The following SNX25 variants were observed in gnomAD, a reference collection of about 807,000 sequenced individuals.
The protein encoded by SNX25 is sorting nexin 25.
Under a neutral mutation model 113.7 loss-of-function variants are expected in SNX25, and 62 were observed. The observed-to-expected ratio is 0.55, with a 90% CI of 0.44 to 0.67. The LOEUF is 0.67. SNX25 is among the 30% of genes least tolerant of loss of function. The pLI, the probability that SNX25 is intolerant of heterozygous loss-of-function variation, is 0.00. For missense variants in SNX25, 1,014 were observed against 1,161.0 expected (o/e 0.87, Z 1.84); for synonymous variants, 421 against 436.2 (o/e 0.97, Z 0.43).
chr4:185,342,465 G>C (rs2095264597), intron 12 of SNX25, among the ~76,000 whole-genome samples: 1 of 152,244 alleles, frequency 6.6e-6, no homozygotes. Context: ...GAGCTGCATT[G>C]GATTCTATCA....
At chr4:185,271,413 G>T (rs977172902) in intron 5 of SNX25, among the ~76,000 whole-genome samples, 2 of 152,182 alleles carry the variant, frequency 1.3e-5, no homozygotes, top group African/African-American at 4.8e-5. Flanking sequence ...AAGTAGCTGG[G>T]ACTACAGGCA....
In SNX25 at chr4:185,231,902, T is replaced by C. The variant is rs769153513; in HGVS notation, c.430-15392T>C. Among the ~76,000 whole-genome samples the C allele has an allele frequency of 7.3e-4, 111 of 152,316 alleles. 1 individual carries two copies. The highest frequency in any genetic ancestry group is 3.1e-3 in the Admixed American group (47 of 15,304). ...TTTAATTGCATTGTATTTTTGTCTT[T>C]ATGCAGCTAGTCTTTTATGGCAGTA... On this transcript the variant is annotated intron_variant, in intron 1 of 18. Transcript: ENST00000652585.
Position 185,247,332 on chromosome 4 carries a change from T to A in SNX25, c.468T>A (p.Ser156=), listed in dbSNP as rs910023028. The A allele has an allele frequency of 6.2e-7, 1 of 1,611,758 alleles. No individual in the cohort carries two copies. The highest frequency in any genetic ancestry group is 1.7e-4 in the Middle Eastern group (1 of 6,040). ...GAAACTCACATGAGTCAGCTCAGTC[T>A]AGAAGGGTAGTAATTTCTCATAATA... The part of the protein sequence containing the change: ...VYGNSHESAQ[S]RRVVISHNMD... Residue 156 remains serine, a synonymous_variant, in exon 2 of 19, where the codon TCT becomes TCA. Coordinates refer to ENST00000652585, the MANE Select transcript of SNX25 (RefSeq NM_001378034.2).
At chr4:185,372,388 G>C (rs2095418929), downstream of SNX25, among the ~76,000 whole-genome samples, 1 of 152,192 alleles carries the variant, frequency 6.6e-6, no homozygotes, top group Non-Finnish European at 1.5e-5. Flanking sequence ...TTTACATTAA[G>C]TAAAATTTAA....
intron 15 of SNX25, among the ~76,000 whole-genome samples, chr4:185,356,733 G>A (rs2095340949): frequency 6.6e-6 from 1 of 152,188 alleles, no homozygotes; most frequent in Non-Finnish European, 1.5e-5. Context: ...GTGGGTACAA[G>A]AGCCCCGAAC....
At chr4:185,365,727 C>A (rs890833452), downstream of SNX25, 1 of 150,018 alleles carries the variant, frequency 6.7e-6, no homozygotes, top group African/African-American at 2.5e-5. Flanking sequence ...TCTTTAGGAA[C>A]TGGATTAAGT....
chr4:185,273,121 A>G (rs531750970), intron 5 of SNX25, among the ~76,000 whole-genome samples: 37 of 152,306 alleles, frequency 2.4e-4, no homozygotes, highest in African/African-American at 8.7e-4. Context: ...CCATGAATAG[A>G]TTGGAGGTAC....
intron 1 of SNX25, 81 bp from the exon 2 acceptor site, chr4:185,247,213 C>T (rs1744984053): frequency 2.3e-6 from 2 of 873,616 alleles, no homozygotes; most frequent in South Asian, 3.2e-5. Flanking sequence ...GTTTAGATGG[C>T]ATTTCATACC....
chr4:185,220,484 C>CCT (rs71593613), intron 1 of SNX25, among the ~76,000 whole-genome samples: 5 of 131,872 alleles, frequency 3.8e-5, no homozygotes, highest in East Asian at 4.6e-4. Context: ...AACTGAGTCC[C>CCT]TTTTTTTTTT....
chr4:185,346,391 G>T, intron 12 of SNX25, 146 bp from the exon 13 acceptor site: 1 of 606,870 alleles, frequency 1.6e-6, no homozygotes, highest in Non-Finnish European at 2.9e-6. Flanking sequence ...CCAATTCTTC[G>T]AGCCTCATTA....
chr4:185,339,617 CT>C, intron 11 of SNX25, 107 bp downstream of exon 11: 1 of 1,365,804 alleles, frequency 7.3e-7, no homozygotes, highest in Non-Finnish European at 9.8e-7. Context: ...TACACTCATT[CT>C]TTTAGACCAT....
At chr4:185,273,453 T>C (rs1749231442) in intron 5 of SNX25, among the ~76,000 whole-genome samples, 1 of 152,218 alleles carries the variant, frequency 6.6e-6, no homozygotes, top group South Asian at 2.1e-4. Context: ...ATATTTGATG[T>C]ATGTACACAT....
At chr4:185,330,081 G>A (rs1036492812) in intron 9 of SNX25, among the ~76,000 whole-genome samples, 4 of 152,160 alleles carry the variant, frequency 2.6e-5, no homozygotes, top group African/African-American at 9.7e-5. Context: ...GTTTATTTTG[G>A]AGAATAAACC....
intron 1 of SNX25, among the ~76,000 whole-genome samples, chr4:185,213,592 G>A (rs1465885445): frequency 6.6e-6 from 1 of 152,170 alleles, no homozygotes; most frequent in Non-Finnish European, 1.5e-5. Flanking sequence ...GGTTGTCAGA[G>A]TGTGGTGTCC....
chr4:185,378,129 A>G, the SNX25 span: 1 of 1,614,080 alleles, frequency 6.2e-7, no homozygotes, highest in Non-Finnish European at 8.5e-7. Flanking sequence ...TTAGCAGCAT[A>G]CTGAGATACA....
chr4:185,304,548 G>T (rs994580400), intron 6 of SNX25, among the ~76,000 whole-genome samples: 1 of 152,030 alleles, frequency 6.6e-6, no homozygotes, highest in Non-Finnish European at 1.5e-5. Context: ...GTAGAGAAGG[G>T]GTTTCTCCAT....
At chr4:185,274,727 T>G (rs1300164284) in intron 5 of SNX25, among the ~76,000 whole-genome samples, 1 of 152,256 alleles carries the variant, frequency 6.6e-6, no homozygotes, top group Non-Finnish European at 1.5e-5. Flanking sequence ...GAATATCTAT[T>G]ATGTATTAAG....
chr4:185,287,377 T>C (rs1751486563), intron 5 of SNX25, among the ~76,000 whole-genome samples: 1 of 152,198 alleles, frequency 6.6e-6, no homozygotes, highest in Admixed American at 6.5e-5. Flanking sequence ...TTTGATTCTG[T>C]TGGGTTGGGA....
chr4:185,212,491 G>GTTTCTGTTT (rs1553980597), intron 1 of SNX25, among the ~76,000 whole-genome samples: 5,298 of 104,740 alleles, frequency 0.051, 646 homozygotes, highest in African/African-American at 0.19. Flanking sequence ...GTGTGTGTGT[G>GTTTCTGTTT]TTTTTTTTTT....
Sources: gnomAD v4.1 joint callset for allele counts (sites outside exome capture counted in the v4.1 genomes callset) on GRCh38, gnomAD v4.1.1 for gene constraint, MANE v1.5 for transcripts, NCBI Gene and HGNC (gene_info 2026-07-23, HGNC 2026-07-21) for gene names.